TMEM232: variants seen among roughly 807,000 people sequenced by gnomAD.
TMEM232 encodes the protein transmembrane protein 232.
A neutral mutation model predicts 78.8 loss-of-function variants in TMEM232; 80 were observed. That is an observed-to-expected ratio of 1.01 (90% confidence interval 0.85 to 1.22). TMEM232 has a LOEUF of 1.22. TMEM232 is among the 50% of genes most tolerant of loss of function. The pLI, the probability that TMEM232 is intolerant of heterozygous loss-of-function variation, is 0.00. For synonymous variants in TMEM232, 297 were observed against 254.3 expected (o/e 1.17, Z -1.60); for missense variants, 881 against 742.2 (o/e 1.19, Z -2.17).
Position 110,667,371 on chromosome 5 carries a change from G to T in TMEM232, c.-12-7C>A. On this transcript the variant is annotated splice_polypyrimidine_tract_variant and splice_region_variant and intron_variant, in intron 1 of 13. Transcript: ENST00000455884. ...TATTCATAAATCATAAATTCTAAAAGGAATATTAAATGTATGTTAGCATAC... is the reference window on the plus strand; with the variant it reads ...TATTCATAAATCATAAATTCTAAAATGAATATTAAATGTATGTTAGCATAC... 1.4e-6 allele frequency: 2 copies of T among 1,479,294 alleles called. No individual in the cohort carries two copies. The highest frequency in any genetic ancestry group is 1.4e-5 in the South Asian group (1 of 72,998). 91.6% of individuals were successfully genotyped at this position (1,479,294 alleles called of 1,614,324 possible).
At chr5:110,654,875 G>A (rs1788817482) in intron 2 of TMEM232, among the ~76,000 whole-genome samples, 2 of 152,096 alleles carry the variant, frequency 1.3e-5, no homozygotes, top group Admixed American at 1.3e-4. Context: ...TCCCTTGTAA[G>A]TTGGATTCCT....
intron 8 of TMEM232, among the ~76,000 whole-genome samples, chr5:110,616,603 T>A (rs1782954031): frequency 6.6e-6 from 1 of 151,738 alleles, no homozygotes; most frequent in South Asian, 2.1e-4. Context: ...AACAACTTAA[T>A]AACAAGAAAA....
At chr5:110,583,713 G>C (rs1670865275) in intron 10 of TMEM232, among the ~76,000 whole-genome samples, 1 of 151,564 alleles carries the variant, frequency 6.6e-6, no homozygotes, top group Admixed American at 6.6e-5. Flanking sequence ...ACAGAATGGG[G>C]GGATTATATT....
At chr5:110,655,980 A>G (rs1304971623) in intron 2 of TMEM232, among the ~76,000 whole-genome samples, 2 of 151,194 alleles carry the variant, frequency 1.3e-5, no homozygotes, top group African/African-American at 2.4e-5. Flanking sequence ...TGGGTGCAGC[A>G]CACCAGCATG....
intron 12 of TMEM232, among the ~76,000 whole-genome samples, chr5:110,516,554 T>C (rs2149487213): frequency 6.6e-6 from 1 of 152,288 alleles, no homozygotes. Context: ...ACCTATTTTT[T>C]TGGTCTACAA....
intron 10 of TMEM232, among the ~76,000 whole-genome samples, chr5:110,595,278 A>C (rs1780024243): frequency 6.6e-6 from 1 of 152,232 alleles, no homozygotes; most frequent in Non-Finnish European, 1.5e-5. Context: ...AGGCATCAGC[A>C]TCAAAGATCA....
chr5:110,570,166 A>G (rs1041817755), intron 10 of TMEM232, among the ~76,000 whole-genome samples: 2 of 151,984 alleles, frequency 1.3e-5, no homozygotes, highest in Non-Finnish European at 2.9e-5. Context: ...AGCTACAGTT[A>G]AGCAGCCAAT....
At chr5:110,684,617 T>C (rs1793165470) in intron 1 of TMEM232, among the ~76,000 whole-genome samples, 1 of 152,192 alleles carries the variant, frequency 6.6e-6, no homozygotes, top group African/African-American at 2.4e-5. Flanking sequence ...TTCGAGTTAT[T>C]CTTTTTAACT....
chr5:110,456,127 C>A (rs1008034789), intron 12 of TMEM232, among the ~76,000 whole-genome samples: 1 of 152,046 alleles, frequency 6.6e-6, no homozygotes, highest in Non-Finnish European at 1.5e-5. Flanking sequence ...TTTTAAAAAT[C>A]ATTTGAAATC....
At chr5:110,579,530 T>C (rs913456901) in intron 10 of TMEM232, among the ~76,000 whole-genome samples, 1 of 151,846 alleles carries the variant, frequency 6.6e-6, no homozygotes, top group Non-Finnish European at 1.5e-5. Context: ...TAGATGTTAA[T>C]TGTGACATCA....
intron 10 of TMEM232, among the ~76,000 whole-genome samples, chr5:110,595,128 T>A (rs897808323): frequency 6.6e-5 from 10 of 152,108 alleles, no homozygotes; most frequent in Non-Finnish European, 1.2e-4. Context: ...TACCCAGGCA[T>A]ACAGGGTCTG....
chr5:110,730,018 C>T (rs1327506986), upstream of TMEM232, among the ~76,000 whole-genome samples: 2 of 152,106 alleles, frequency 1.3e-5, no homozygotes, highest in Non-Finnish European at 2.9e-5. Flanking sequence ...TAGCACTTAT[C>T]AAAATTTTAC....
intron 8 of TMEM232, among the ~76,000 whole-genome samples, chr5:110,613,330 G>T (rs1244428729): frequency 2.6e-5 from 4 of 152,106 alleles, no homozygotes; most frequent in Admixed American, 2.0e-4. Context: ...CTGACCAATA[G>T]CATCAGAAAT....
At chr5:110,570,247 A>G (rs1022110671) in intron 10 of TMEM232, among the ~76,000 whole-genome samples, 6 of 152,014 alleles carry the variant, frequency 3.9e-5, no homozygotes, top group Non-Finnish European at 5.9e-5. Context: ...AATATTTGAA[A>G]TAACATATAA....
chr5:110,680,169 C>T (rs1024121119), intron 1 of TMEM232, among the ~76,000 whole-genome samples: 12 of 151,900 alleles, frequency 7.9e-5, no homozygotes, highest in African/African-American at 1.5e-4. Flanking sequence ...GAGGCTGAGG[C>T]AGGAGGATCA....
At chr5:110,450,063 A>G (rs1760097694) in intron 12 of TMEM232, among the ~76,000 whole-genome samples, 1 of 152,030 alleles carries the variant, frequency 6.6e-6, no homozygotes, top group East Asian at 1.9e-4. Context: ...CTGATGGTTA[A>G]AAGTGTGTGG....
In TMEM232 at chr5:110,605,342, A is replaced by G. The variant is rs1781415264; in HGVS notation, c.1043T>C (p.Val348Ala). The change falls in exon 10 of 14, where the codon GTA becomes GCA. Residue 348 changes from valine (V) to alanine (A), a missense_variant. Physicochemically the swap from Val to Ala is moderately conservative, Grantham distance 64. Transcript: ENST00000455884. ...SVQNQEESCK[V>A]DDFSWAWNVV... ...ATTCCAGGCCCAGGAAAAATCATCTACCTTGCAACTTTCTTCCTGAAATGA... is the reference window on the plus strand; with the variant it reads ...ATTCCAGGCCCAGGAAAAATCATCTGCCTTGCAACTTTCTTCCTGAAATGA... 10 of 1,539,140 alleles carry G rather than the reference A, an allele frequency of 6.5e-6. No homozygotes were observed. The highest frequency in any genetic ancestry group is 1.4e-5 in the African/African-American group (1 of 72,532).
At chr5:110,409,955 A>T (rs549658983) in intron 2 of TMEM232, among the ~76,000 whole-genome samples, 2 of 152,274 alleles carry the variant, frequency 1.3e-5, no homozygotes, top group East Asian at 3.9e-4. Context: ...CAACTGTACC[A>T]TGCTTCAAGT....
intron 12 of TMEM232, among the ~76,000 whole-genome samples, chr5:110,488,927 A>C (rs567257254): frequency 2.1e-4 from 32 of 152,126 alleles, no homozygotes; most frequent in Middle Eastern, 3.4e-3. Context: ...AGTATGAACA[A>C]TCATATGGCA....
Sources: gnomAD v4.1 joint callset for allele counts (sites outside exome capture counted in the v4.1 genomes callset) on GRCh38, gnomAD v4.1.1 for gene constraint, MANE v1.5 for transcripts, NCBI Gene and HGNC (gene_info 2026-07-23, HGNC 2026-07-21) for gene names.